The following COLEC11 variants were observed in gnomAD, a reference collection of about 807,000 sequenced individuals.
COLEC11 encodes collectin-11.
Under a neutral mutation model 27.3 loss-of-function variants are expected in COLEC11, and 20 were observed. The observed-to-expected ratio is 0.73, with a 90% confidence interval of 0.51 to 1.06. The LOEUF is 1.06. Among genes scored for constraint, COLEC11 ranks in the 50% least tolerant of loss-of-function variants. COLEC11 has a pLI of 0.00. For synonymous variants in COLEC11, 163 were observed against 154.7 expected, an observed-to-expected ratio of 1.05 and a Z score of -0.40; for missense variants, 310 against 383.0, an observed-to-expected ratio of 0.81 and a Z score of 1.59.
intron 3 of COLEC11, among the ~76,000 whole-genome samples, chr2:3,630,880 C>A (rs1572453746): frequency 6.6e-6 from 1 of 152,208 alleles, no homozygotes; most frequent in African/African-American, 2.4e-5. Context: ...ACTTCCAACT[C>A]TTGGTAGCCA....
rs1228701428 is a variant in COLEC11 at position 3,644,029 on chromosome 2, G to A, written c.727G>A (p.Val243Met). ...PNNAYDEEDC[V>M]EMVASGGWND... ...CAATGCCTACGACGAGGAGGACTGC[G>A]TGGAGATGGTGGCCTCGGGCGGCTG... is the stretch of plus-strand genomic sequence containing the variant. The change falls in exon 7 of 7, where the codon GTG becomes ATG. Residue 243 changes from valine to methionine, a missense_variant. Val to Met is a conservative substitution (Grantham distance 21). Coordinates refer to ENST00000349077, the MANE Select transcript of COLEC11 (RefSeq NM_024027.5). 6 of 1,613,922 alleles carry A rather than the reference G, an allele frequency of 3.7e-6. No homozygotes were observed. The highest frequency in any genetic ancestry group is 5.1e-6 in the Non-Finnish European group (6 of 1,180,056).
chr2:3,609,392 C>T (rs1169575981), intron 2 of COLEC11, among the ~76,000 whole-genome samples: 1 of 103,686 alleles, frequency 9.6e-6, no homozygotes, highest in Admixed American at 1.4e-4. Context: ...TTTTTAGAGA[C>T]AGGATCTTGC....
chr2:3,641,990 G>C (rs970275514), intron 5 of COLEC11, among the ~76,000 whole-genome samples: 1 of 152,214 alleles, frequency 6.6e-6, no homozygotes, highest in Non-Finnish European at 1.5e-5. Context: ...CCACGGAGGC[G>C]ATGACCAGGT....
chr2:3,612,597 A>C (rs1464969970), intron 2 of COLEC11, among the ~76,000 whole-genome samples: 1 of 152,146 alleles, frequency 6.6e-6, no homozygotes, highest in Non-Finnish European at 1.5e-5. Flanking sequence ...GTTTCAGGAC[A>C]GTCATTTTGG....
intron 3 of COLEC11, 118 bp downstream of exon 3, chr2:3,613,500 T>G (rs1572412635): frequency 9.4e-7 from 1 of 1,063,098 alleles, no homozygotes. Context: ...GCCCTCTGGG[T>G]CCCAGGGAGG....
chr2:3,606,695 G>A (rs1304839663), intron 2 of COLEC11, among the ~76,000 whole-genome samples: 1 of 152,210 alleles, frequency 6.6e-6, no homozygotes, highest in Admixed American at 6.5e-5. Context: ...CGTGCCCCGC[G>A]AGTCCGCAAG....
intron 4 of COLEC11, among the ~76,000 whole-genome samples, chr2:3,637,869 G>A (rs1455499649): frequency 6.6e-6 from 1 of 152,230 alleles, no homozygotes; most frequent in Non-Finnish European, 1.5e-5. Flanking sequence ...TGCAGCTAGT[G>A]TGCTTGGGCA....
chr2:3,642,449 CCT>C (rs1665939783), intron 5 of COLEC11, among the ~76,000 whole-genome samples: 1 of 152,150 alleles, frequency 6.6e-6, no homozygotes, highest in African/African-American at 2.4e-5. Context: ...CACCCATGTC[CCT>C]CTCATCAGGC....
chr2:3,615,684 G>C (rs1215639110), intron 3 of COLEC11, among the ~76,000 whole-genome samples: 1 of 152,236 alleles, frequency 6.6e-6, no homozygotes, highest in African/African-American at 2.4e-5. Context: ...CGGCCGGGCA[G>C]AGGGGCTCCT....
At chr2:3,604,251 C>G (rs1662455726) in intron 1 of COLEC11, 64 bp from the exon 2 acceptor site, 9 of 1,588,896 alleles carry the variant, frequency 5.7e-6, no homozygotes, top group Non-Finnish European at 2.6e-6. Flanking sequence ...CCGAGGCCTG[C>G]TCACTGTCAC....
Position 3,602,103 on chromosome 2 carries a change from C to G in COLEC11, c.-26-2212C>G, listed in dbSNP as rs897686592. The G allele has an allele frequency of 1.3e-5, 2 of 152,246 alleles. No homozygotes were observed. Among genetic ancestry groups the G allele is most frequent in the Non-Finnish European group, 2.9e-5 (2 of 68,088 alleles). 9.4% of individuals were successfully genotyped at this position (152,246 alleles called of 1,614,324 possible). A position where few individuals can be genotyped will look rare whatever the true frequency, so the allele number is the denominator to read the frequency against. ...TTTCGGGATCTGTCCGGACCACCCT[C>G]CCCTGGCTTTTGTAGCAGGGCTCTC... On this transcript the variant is annotated intron_variant, in intron 1 of 6. Transcript: ENST00000349077. The surrounding 1 kb of genome is among the most constrained non-coding windows in gnomAD (Gnocchi z 6.2).
In COLEC11 at chr2:3,610,682, C is replaced by T. The variant is rs1404412118; in HGVS notation, c.131-2629C>T. Among the ~76,000 whole-genome samples, 3 of 152,186 alleles carry T rather than the reference C, an allele frequency of 2.0e-5. No individual in the cohort carries two copies. In the East Asian group the frequency reaches 5.8e-4, roughly 29 times the overall value. On this transcript the variant is annotated intron_variant, in intron 2 of 6. Transcript: ENST00000349077. ...CCCGTCATCCCCTCCAGCCCTTCCC[C>T]CTTGTCTGTGCACCTGCTGACCCTG...
rs142432649 is a variant in COLEC11 at position 3,632,712 on chromosome 2, G to A, written c.203-4821G>A. 7.2e-3 allele frequency among the ~76,000 whole-genome samples: 1,093 copies of A among 152,278 alleles called. 10 individuals carry two copies. Among genetic ancestry groups the A allele is most frequent in the Middle Eastern group, 0.048 (14 of 294 alleles). On this transcript the variant is annotated intron_variant, in intron 3 of 6. Transcript: ENST00000349077. ...TTGTGAAGCTGAAATCAGCGTGTAC[G>A]TGTGGATGTGGTTTCCTGGCACACA...
intron 1 of COLEC11, among the ~76,000 whole-genome samples, chr2:3,596,875 C>G (rs1193040582): frequency 6.6e-6 from 1 of 152,226 alleles, no homozygotes; most frequent in Non-Finnish European, 1.5e-5. Context: ...CTCTGGGAAG[C>G]AGAGACTCCT....
chr2:3,617,350 C>T (rs1663838117), intron 3 of COLEC11, among the ~76,000 whole-genome samples: 1 of 152,198 alleles, frequency 6.6e-6, no homozygotes, highest in Non-Finnish European at 1.5e-5. Context: ...TTCTTTCCTT[C>T]CCTGCCAGCC....
chr2:3,616,108 C>G (rs1663700010), intron 3 of COLEC11, among the ~76,000 whole-genome samples: 1 of 151,060 alleles, frequency 6.6e-6, no homozygotes. Context: ...AGACACTCCT[C>G]AGATACCACA....
intron 4 of COLEC11, among the ~76,000 whole-genome samples, chr2:3,639,257 A>G (rs567911958): frequency 1.3e-5 from 2 of 152,360 alleles, no homozygotes; most frequent in Admixed American, 6.5e-5. Flanking sequence ...ATAACGCCAC[A>G]TTGCGTATTG....
At chr2:3,639,127 G>A (rs536278728) in intron 4 of COLEC11, among the ~76,000 whole-genome samples, 7 of 152,352 alleles carry the variant, frequency 4.6e-5, no homozygotes, top group Admixed American at 2.6e-4. Context: ...GTGTGGTAGC[G>A]TGGGTCAGAA....
chr2:3,617,340 T>C (rs1396388631), intron 3 of COLEC11, among the ~76,000 whole-genome samples: 2 of 152,190 alleles, frequency 1.3e-5, no homozygotes, highest in Non-Finnish European at 2.9e-5. Context: ...AACATGCAAG[T>C]TCTTTCCTTC....
Sources: gnomAD v4.1 joint callset for allele counts (sites outside exome capture counted in the v4.1 genomes callset) on GRCh38, gnomAD v4.1.1 for gene constraint, Gnocchi (gnomAD v3.1) non-coding constraint, MANE v1.5 for transcripts, NCBI Gene and HGNC (gene_info 2026-07-23, HGNC 2026-07-21) for gene names.